RADIL: variants seen among roughly 807,000 people sequenced by gnomAD.
RADIL encodes Rap associating with DIL domain.
RADIL carries 99 observed loss-of-function variants against 97.6 expected under a neutral mutation model. The observed-to-expected ratio is 1.01, with a 90% CI of 0.86 to 1.20. RADIL has a LOEUF of 1.20. Ranked by LOEUF, RADIL falls within the 50% of genes most tolerant of loss-of-function variation. RADIL has a pLI of 0.00. For missense variants in RADIL, 1,765 were observed against 1,498.9 expected (o/e 1.18, Z -2.93); for synonymous variants, 803 against 691.8 (o/e 1.16, Z -2.52).
chr7:4,806,323 TTTTG>T (rs1371223854), intron 9 of RADIL, among the ~76,000 whole-genome samples: 2 of 151,982 alleles, frequency 1.3e-5, no homozygotes, highest in Non-Finnish European at 1.5e-5. Flanking sequence ...CTCATTAGTT[TTTTG>T]TTTTTGTTTT....
At chr7:4,851,394 G>A (rs1783705785) in intron 2 of RADIL, among the ~76,000 whole-genome samples, 1 of 152,176 alleles carries the variant, frequency 6.6e-6, no homozygotes, top group African/African-American at 2.4e-5. Flanking sequence ...AATGTGCACA[G>A]TAAAGACATT....
chr7:4,871,418 T>C lies in RADIL; in HGVS notation c.535+6187A>G, dbSNP rs1784251726. 1.3e-5 allele frequency among the ~76,000 whole-genome samples: 2 copies of C among 152,214 alleles called. 1 individual carries two copies. Among genetic ancestry groups the C allele is most frequent in the Admixed American group, 1.3e-4 (2 of 15,282 alleles). On this transcript the variant is annotated intron_variant, in intron 2 of 14. Transcript: ENST00000399583. ...CTTCCCGCGTGCACACAACAGTCCC[T>C]GCGGCCCGCACACCCCTGGCTGTCA...
chr7:4,862,804 G>C (rs1464212680), intron 2 of RADIL, among the ~76,000 whole-genome samples: 1 of 152,014 alleles, frequency 6.6e-6, no homozygotes, highest in Non-Finnish European at 1.5e-5. Context: ...GGCTGAGGCA[G>C]GAGAATTGCT....
intron 11 of RADIL, among the ~76,000 whole-genome samples, chr7:4,802,273 C>T (rs1311561302): frequency 6.7e-6 from 1 of 150,022 alleles, no homozygotes; most frequent in Non-Finnish European, 1.5e-5. Context: ...CTCCCGGGCA[C>T]CTCGGGGCAC....
chr7:4,861,672 G>A (rs1428915415), intron 2 of RADIL: 2 of 1,600,164 alleles, frequency 1.2e-6, no homozygotes, highest in Admixed American at 1.7e-5. Context: ...AAGGGCCTGA[G>A]GGTTTCTATT....
intron 2 of RADIL, among the ~76,000 whole-genome samples, chr7:4,845,292 G>C (rs541958705): frequency 6.6e-6 from 1 of 152,062 alleles, no homozygotes; most frequent in Non-Finnish European, 1.5e-5. Flanking sequence ...GGTGGGACAC[G>C]TCTTAGTCCC....
chr7:4,846,272 G>T (rs1321576202), intron 2 of RADIL, among the ~76,000 whole-genome samples: 1 of 150,808 alleles, frequency 6.6e-6, no homozygotes, highest in Non-Finnish European at 1.5e-5. Context: ...TCAGCCTCCT[G>T]AGTAGCTGGA....
chr7:4,816,494 C>T (rs1480352498), intron 7 of RADIL, 29 bp from the exon 8 acceptor site: 1 of 1,571,904 alleles, frequency 6.4e-7, no homozygotes, highest in East Asian at 2.3e-5. Context: ...GAACAGCAAC[C>T]AGCATTTCCA....
chr7:4,809,051 C>A, intron 9 of RADIL: 1 of 935,690 alleles, frequency 1.1e-6, no homozygotes, highest in South Asian at 5.1e-5. Flanking sequence ...CACTGCCCCC[C>A]CGTTCCAATG....
intron 2 of RADIL, 137 bp downstream of exon 2, chr7:4,877,468 G>A: frequency 1.1e-6 from 1 of 938,156 alleles, no homozygotes; most frequent in Middle Eastern, 3.4e-4. Context: ...AAACATCCAG[G>A]ACACGGGCTC....
At chr7:4,830,151 A>T (rs117367818) in intron 5 of RADIL, among the ~76,000 whole-genome samples, 1,829 of 152,310 alleles carry the variant, frequency 0.012, 17 homozygotes, top group Non-Finnish European at 0.02. Context: ...GCGTGTGGGC[A>T]TTTAACCATA....
intron 11 of RADIL, among the ~76,000 whole-genome samples, chr7:4,802,619 T>C (rs547057770): frequency 0.028 from 2,827 of 101,492 alleles, 4 homozygotes; most frequent in Non-Finnish European, 0.039. Context: ...CCTCGGGGCA[T>C]GCTGGCTGGA....
At position 4,801,907 on chromosome 7, in the gene RADIL, ACTTC is replaced by A. The variant is rs1177258779; in HGVS notation, c.2584_2587del (p.Glu862TrpfsTer9). ...CAAGGGAAGAGTACGCTCCGGGGCC[ACTTC>A]CCGGGCTGCTGGGCCAGGGTCCCTG... On this transcript the variant is annotated frameshift_variant, in exon 12 of 15. Coordinates refer to ENST00000399583, the MANE Select transcript of RADIL (RefSeq NM_018059.5). LOFTEE classifies it high-confidence loss of function. 1 of 1,571,316 alleles carries A rather than the reference ACTTC, an allele frequency of 6.4e-7. No individual in the cohort carries two copies. The highest frequency in any genetic ancestry group is 8.6e-7 in the Non-Finnish European group (1 of 1,159,904).
Position 4,809,022 on chromosome 7 carries a change from C to G in RADIL, c.2140-3306G>C. 16 of 744,606 alleles carry G rather than the reference C, an allele frequency of 2.1e-5. 2 individuals carry two copies. The highest frequency in any genetic ancestry group is 2.2e-5 in the Non-Finnish European group (14 of 642,564). The allele number at this position is 744,606 out of a possible 1,614,324, so 46.1% of individuals were successfully genotyped here. A position where few individuals can be genotyped will look rare whatever the true frequency, so the allele number is the denominator to read the frequency against. On this transcript the variant is annotated intron_variant, in intron 9 of 14. Transcript: ENST00000399583. ...GTCCCCTTCCGACGCCACTGCCCCC[C>G]CTTGTCCCCTTCCGACGCCACTGCC... is the stretch of plus-strand genomic sequence containing the variant.
intron 10 of RADIL, among the ~76,000 whole-genome samples, chr7:4,804,920 C>T (rs1202917188): frequency 1.3e-5 from 2 of 151,766 alleles, no homozygotes; most frequent in African/African-American, 4.8e-5. Context: ...GATGGTGAAA[C>T]CCGTCTCTAC....
Position 4,826,871 on chromosome 7 carries a change from C to T in RADIL, c.1455-4317G>A, listed in dbSNP as rs546669619. On this transcript the variant is annotated intron_variant, in intron 5 of 14. Transcript: ENST00000399583. Reference sequence around the variant, plus strand: ...GGAATGGCAATAAACCTAAATAATTCGACTTGCCCATTAACAAAGATAAGA... The same window carrying T: ...GGAATGGCAATAAACCTAAATAATTTGACTTGCCCATTAACAAAGATAAGA... Among the ~76,000 whole-genome samples the T allele has an allele frequency of 4.6e-5, 7 of 152,208 alleles. No homozygotes were observed. In the South Asian group the frequency reaches 6.2e-4, roughly 14 times the overall value.
intron 2 of RADIL, chr7:4,859,805 T>C (rs553141241): frequency 1.3e-6 from 1 of 742,252 alleles, no homozygotes; most frequent in African/African-American, 1.8e-5. Context: ...CTAATGGAGT[T>C]GTACTTGTCT....
intron 5 of RADIL, among the ~76,000 whole-genome samples, chr7:4,831,708 C>A: frequency 6.8e-6 from 1 of 147,292 alleles, no homozygotes; most frequent in African/African-American, 2.6e-5. Context: ...CGTGAAACCC[C>A]ATCTCTACTA....
Position 4,837,604 on chromosome 7 carries a change from C to T in RADIL, c.536-999G>A, listed in dbSNP as rs76607959. Reference sequence around the variant, plus strand: ...ACACATGCACCCACACAAAAATGCACACACACATGCACACACATGCACCCA... The same window carrying T: ...ACACATGCACCCACACAAAAATGCATACACACATGCACACACATGCACCCA... On this transcript the variant is annotated intron_variant, in intron 2 of 14. Coordinates refer to ENST00000399583, the MANE Select transcript of RADIL (RefSeq NM_018059.5). The surrounding 1 kb of genome is among the most constrained non-coding windows in gnomAD (Gnocchi z 5.6). Among the ~76,000 whole-genome samples, 2,258 of 151,620 alleles carry T rather than the reference C, an allele frequency of 0.015. 32 individuals carry two copies. The highest frequency in any genetic ancestry group is 0.027 in the Middle Eastern group (8 of 292).
Sources: allele counts gnomAD v4.1 joint callset (sites outside exome capture counted in the v4.1 genomes callset), GRCh38; gene constraint gnomAD v4.1.1; non-coding constraint Gnocchi (gnomAD v3.1); transcripts MANE v1.5; gene names NCBI Gene and HGNC (gene_info 2026-07-23, HGNC 2026-07-21).